The following SFRP2 variants were observed in gnomAD, a reference collection of about 807,000 sequenced individuals.
SFRP2 encodes secreted frizzled-related protein 2.
SFRP2 carries 16 observed loss-of-function variants against 26.0 expected under a neutral mutation model. That is an observed-to-expected ratio of 0.61 (90% CI 0.42 to 0.93). The LOEUF (loss-of-function observed/expected upper bound fraction) is 0.93. Ranked by LOEUF, SFRP2 falls within the 40% of genes least tolerant of loss-of-function variation. The pLI, the probability that SFRP2 is intolerant of heterozygous loss-of-function variation, is 0.00. For missense variants in SFRP2, 343 were observed against 392.4 expected (o/e 0.87, Z 1.06); for synonymous variants, 173 against 167.3 (o/e 1.03, Z -0.26).
Position 153,782,996 on chromosome 4 carries a change from T to A in SFRP2, c.584-1241A>T, listed in dbSNP as rs78897284. Reference sequence around the variant, plus strand: ...TTTGAGATTTTCTTTTTTTTTTTTTTAAATATCAGAATGGGAATTTGACTG... The same window carrying A: ...TTTGAGATTTTCTTTTTTTTTTTTTAAAATATCAGAATGGGAATTTGACTG... On this transcript the variant is annotated intron_variant, in intron 2 of 2. Coordinates refer to ENST00000274063, the MANE Select transcript of SFRP2 (RefSeq NM_003013.3). 7.9e-5 allele frequency among the ~76,000 whole-genome samples: 12 copies of A among 151,286 alleles called. No homozygotes were observed. In the East Asian group the frequency reaches 1.0e-3, roughly 13 times the overall value.
intron 2 of SFRP2, among the ~76,000 whole-genome samples, chr4:153,784,079 G>A (rs1455327208): frequency 6.6e-6 from 1 of 152,200 alleles, no homozygotes; most frequent in Non-Finnish European, 1.5e-5. Flanking sequence ...AAGCAAGCAA[G>A]TAATAGGTGT....
At chr4:153,787,166 C>T (rs1207649293) in intron 1 of SFRP2, among the ~76,000 whole-genome samples, 2 of 152,218 alleles carry the variant, frequency 1.3e-5, no homozygotes, top group Non-Finnish European at 2.9e-5. Flanking sequence ...TAAGTCCCCT[C>T]ACCCAAACAA....
At chr4:153,783,203 T>G (rs1291833039) in intron 2 of SFRP2, among the ~76,000 whole-genome samples, 1 of 152,178 alleles carries the variant, frequency 6.6e-6, no homozygotes, top group African/African-American at 2.4e-5. Flanking sequence ...TTTCATGCTT[T>G]TGTGTCCTCT....
In SFRP2 at chr4:153,788,842, C is replaced by T. The variant is rs547848450; in HGVS notation, c.-7G>A. 198 of 1,576,330 alleles carry T rather than the reference C, an allele frequency of 1.3e-4. 2 individuals carry two copies. In the South Asian group the frequency reaches 1.9e-3, roughly 15 times the overall value. ...AGCCAGGGCCCTGCAGCATCGTGGG[C>T]GCGCGACCCCGAGGGGGCAGAGGGA... On this transcript the variant is annotated 5_prime_UTR_variant, in exon 1 of 3. Coordinates refer to ENST00000274063, the MANE Select transcript of SFRP2 (RefSeq NM_003013.3).
At chr4:153,787,302 A>G (rs1247169131) in intron 1 of SFRP2, among the ~76,000 whole-genome samples, 3 of 152,260 alleles carry the variant, frequency 2.0e-5, no homozygotes, top group Non-Finnish European at 2.9e-5. Context: ...TAAATTAGAA[A>G]TCTAACCAAT....
intron 2 of SFRP2, among the ~76,000 whole-genome samples, chr4:153,784,338 T>C (rs1329091963): frequency 6.6e-6 from 1 of 152,250 alleles, no homozygotes; most frequent in African/African-American, 2.4e-5. Context: ...TTTGGAATTA[T>C]CTGCTGCTAA....
At chr4:153,786,163 A>C (rs1351896484) in intron 1 of SFRP2, among the ~76,000 whole-genome samples, 2 of 152,202 alleles carry the variant, frequency 1.3e-5, no homozygotes, top group Non-Finnish European at 2.9e-5. Flanking sequence ...GAGCAAAATG[A>C]GAATGCCTAT....
intron 2 of SFRP2, 113 bp downstream of exon 2, chr4:153,785,751 T>C: frequency 1.5e-6 from 1 of 649,034 alleles, no homozygotes; most frequent in Admixed American, 3.1e-5. Context: ...TGAGCTATAA[T>C]GGTGTTTTAC....
intron 2 of SFRP2, 86 bp downstream of exon 2, chr4:153,785,778 A>G: frequency 1.2e-6 from 1 of 840,772 alleles, no homozygotes; most frequent in Non-Finnish European, 1.8e-6. Flanking sequence ...TTTATCTAGC[A>G]ACATCATAAT....
In SFRP2 at chr4:153,781,384, G is replaced by T; in HGVS notation, c.*67C>A. Reference sequence around the variant, plus strand: ...AGTGTGCTTGGGGAACGGGAGCTGAGATCCCGGAGCAGAAATGGTCAGCCG... The same window carrying T: ...AGTGTGCTTGGGGAACGGGAGCTGATATCCCGGAGCAGAAATGGTCAGCCG... On this transcript the variant is annotated 3_prime_UTR_variant, in exon 3 of 3. Transcript: ENST00000274063. 1 of 1,446,116 alleles carries T rather than the reference G, an allele frequency of 6.9e-7. No individual in the cohort carries two copies. The highest frequency in any genetic ancestry group is 9.5e-7 in the Non-Finnish European group (1 of 1,054,262). The allele number at this position is 1,446,116 out of a possible 1,614,324, so 89.6% of individuals were successfully genotyped here. A position where few individuals can be genotyped will look rare whatever the true frequency, so the allele number is the denominator to read the frequency against.
intron 2 of SFRP2, among the ~76,000 whole-genome samples, chr4:153,783,296 A>T (rs922206677): frequency 6.6e-5 from 10 of 152,208 alleles, no homozygotes; most frequent in African/African-American, 2.2e-4. Context: ...CCTTGTCTGT[A>T]GTACAGGTAG....
intron 2 of SFRP2, among the ~76,000 whole-genome samples, chr4:153,785,333 C>A (rs926337013): frequency 6.6e-6 from 1 of 151,714 alleles, no homozygotes; most frequent in Non-Finnish European, 1.5e-5. Flanking sequence ...TTAAGGAACC[C>A]CTCCTTGACA....
rs778647547 is a variant in SFRP2, at chr4:153,788,855, G to C, written c.-20C>G. The C allele has an allele frequency of 5.8e-6, 9 of 1,560,154 alleles. No homozygotes were observed. In the South Asian group the frequency reaches 6.9e-5, roughly 12 times the overall value. Reference sequence around the variant, plus strand: ...CAGCATCGTGGGCGCGCGACCCCGAGGGGGCAGAGGGAGCGGAGCCGGGGA... The same window carrying C: ...CAGCATCGTGGGCGCGCGACCCCGACGGGGCAGAGGGAGCGGAGCCGGGGA... On this transcript the variant is annotated 5_prime_UTR_variant, in exon 1 of 3. Coordinates refer to ENST00000274063, the MANE Select transcript of SFRP2 (RefSeq NM_003013.3).
rs747444264 is a variant in SFRP2, at chr4:153,788,424, C to T, written c.412G>A (p.Asp138Asn). 6.2e-7 allele frequency: 1 copy of T among 1,613,972 alleles called. No individual in the cohort carries two copies. Among genetic ancestry groups the T allele is most frequent in the African/African-American group, 1.3e-5 (1 of 74,936 alleles). Residue 138 changes from aspartate to asparagine, a missense_variant, in exon 1 of 3, where the codon GAC becomes AAC. Asp to Asn is a conservative substitution (Grantham distance 23). Transcript: ENST00000274063. Reference sequence around the variant, plus strand: ...GGGAAACGGTCGCACTCAAGCATGTCGGGCCAGGGGAAGCCGAAGGCGGAC... The same window carrying T: ...GGGAAACGGTCGCACTCAAGCATGTTGGGCCAGGGGAAGCCGAAGGCGGAC... ...VMSAFGFPWP[D>N]MLECDRFPQD...
chr4:153,780,780 A>C lies in SFRP2; in HGVS notation c.*671T>G, dbSNP rs1444732547. 6.5e-6 allele frequency: 1 copy of C among 152,684 alleles called. No individual in the cohort carries two copies. The highest frequency in any genetic ancestry group is 1.5e-5 in the Non-Finnish European group (1 of 68,060). 9.5% of individuals were successfully genotyped at this position (152,684 alleles called of 1,614,324 possible). A position where few individuals can be genotyped will look rare whatever the true frequency, so the allele number is the denominator to read the frequency against. ...TTTTAAACAAGGCTTAAAGTACTCA[A>C]GTCAATTATAAAATTTATATCTTTT... On this transcript the variant is annotated 3_prime_UTR_variant, in exon 3 of 3. Coordinates refer to ENST00000274063, the MANE Select transcript of SFRP2 (RefSeq NM_003013.3).
Position 153,785,916 on chromosome 4 carries a change from A to T in SFRP2, c.531T>A (p.Asn177Lys). ...EAPKVCEACK[N>K]KNDDDNDIME... ...TTATGTCGTTGTCATCATCATTTTTATTTTTGCAGGCTTCACATACCTTTG... is the reference window on the plus strand; with the variant it reads ...TTATGTCGTTGTCATCATCATTTTTTTTTTTGCAGGCTTCACATACCTTTG... Residue 177 changes from asparagine (N) to lysine (K), a missense_variant, in exon 2 of 3, where the codon AAT becomes AAA. Coordinates refer to ENST00000274063, the MANE Select transcript of SFRP2 (RefSeq NM_003013.3). 1.2e-6 allele frequency: 2 copies of T among 1,604,876 alleles called. No individual in the cohort carries two copies. The highest frequency in any genetic ancestry group is 1.7e-6 in the Non-Finnish European group (2 of 1,176,106).
intron 2 of SFRP2, among the ~76,000 whole-genome samples, chr4:153,783,970 G>T (rs1465280888): frequency 6.6e-6 from 1 of 152,170 alleles, no homozygotes; most frequent in Non-Finnish European, 1.5e-5. Context: ...CTTTCTCTCT[G>T]TAAGGAGGGA....
Position 153,784,898 on chromosome 4 carries a change from A to G in SFRP2, c.583+966T>C, listed in dbSNP as rs138046969. On this transcript the variant is annotated intron_variant, in intron 2 of 2. Transcript: ENST00000274063. ...TAAAAGCAAGAATGCCTCTGGGTGA[A>G]GTTCCTGGTCATTCCCAACTCTGAA... Among the ~76,000 whole-genome samples, 74 of 152,314 alleles carry G rather than the reference A, an allele frequency of 4.9e-4. 1 individual carries two copies. Among genetic ancestry groups the G allele is most frequent in the Admixed American group, 4.2e-3 (65 of 15,300 alleles).
intron 1 of SFRP2, among the ~76,000 whole-genome samples, chr4:153,786,708 CA>C (rs1472922254): frequency 6.6e-6 from 1 of 152,136 alleles, no homozygotes; most frequent in African/African-American, 2.4e-5. Context: ...ACTCTCAAAA[CA>C]AACAAATAAA....
Sources: allele counts gnomAD v4.1 joint callset (sites outside exome capture counted in the v4.1 genomes callset), GRCh38; gene constraint gnomAD v4.1.1; transcripts MANE v1.5; gene names NCBI Gene and HGNC (gene_info 2026-07-23, HGNC 2026-07-21).